Variants in NCOA7 observed in about 807,000 individuals in gnomAD.
The protein encoded by NCOA7 is nuclear receptor coactivator 7.
A neutral mutation model predicts 104.3 loss-of-function variants in NCOA7; 45 were observed. That is an observed-to-expected ratio of 0.43 (90% CI 0.34 to 0.55). The LOEUF (loss-of-function observed/expected upper bound fraction) is 0.55. Ranked by LOEUF, NCOA7 falls within the 20% of genes least tolerant of loss-of-function variation. The pLI is 0.02. For synonymous variants in NCOA7, 398 were observed against 402.3 expected (o/e 0.99, Z 0.13); for missense variants, 1,041 against 1,119.7 (o/e 0.93, Z 1.00).
At chr6:125,859,675 A>G (rs1204168882) in intron 3 of NCOA7, among the ~76,000 whole-genome samples, 1 of 152,262 alleles carries the variant, frequency 6.6e-6, no homozygotes. Flanking sequence ...TTAGACAAAT[A>G]CGAAGTTCTA....
chr6:125,922,678 G>A lies in NCOA7; in HGVS notation c.2371-4G>A, dbSNP rs1787684313. The A allele has an allele frequency of 3.7e-6, 6 of 1,610,666 alleles. No individual in the cohort carries two copies. The highest frequency in any genetic ancestry group is 1.3e-5 in the African/African-American group (1 of 74,914). ...TGTTTACATCTCTTCCTTTGGCTTT[G>A]TAGCTGGCCCGACGCCTTCCTGCAA... On this transcript the variant is annotated splice_region_variant and splice_polypyrimidine_tract_variant and intron_variant, in intron 12 of 15. Transcript: ENST00000392477.
At chr6:125,807,363 T>C (rs896501239) in intron 1 of NCOA7, among the ~76,000 whole-genome samples, 1 of 152,170 alleles carries the variant, frequency 6.6e-6, no homozygotes, top group Non-Finnish European at 1.5e-5. Context: ...CTTGATGTAG[T>C]CTAATCCTCA....
intron 3 of NCOA7, among the ~76,000 whole-genome samples, chr6:125,869,668 G>A (rs751173526): frequency 6.6e-4 from 101 of 152,316 alleles, no homozygotes; most frequent in Non-Finnish European, 1.2e-3. Flanking sequence ...CTCAGGCAGC[G>A]TTGCTGGCTC....
At chr6:125,826,604 A>G (rs547678623) in intron 2 of NCOA7, among the ~76,000 whole-genome samples, 16 of 152,182 alleles carry the variant, frequency 1.1e-4, no homozygotes, top group Non-Finnish European at 1.9e-4. Flanking sequence ...GAAGAGAAAC[A>G]TATGCATTGC....
intron 10 of NCOA7, among the ~76,000 whole-genome samples, chr6:125,909,394 AG>A (rs1305813099): frequency 6.6e-6 from 1 of 152,220 alleles, no homozygotes; most frequent in African/African-American, 2.4e-5. Context: ...GTGCCCAGGA[AG>A]TGTTGTCAAA....
chr6:125,794,253 C>T (rs1775104794), intron 1 of NCOA7, among the ~76,000 whole-genome samples: 1 of 152,112 alleles, frequency 6.6e-6, no homozygotes, highest in African/African-American at 2.4e-5. Context: ...CAAAGAAAAG[C>T]TTTACTTACC....
At chr6:125,927,793 GTCAC>G (rs1562196307) in intron 14 of NCOA7, 35 bp downstream of exon 14, 1 of 1,500,900 alleles carries the variant, frequency 6.7e-7, no homozygotes. Context: ...ACTCCCATAT[GTCAC>G]AGTGTCCTCA....
chr6:125,912,880 G>A (rs978760698), intron 10 of NCOA7, among the ~76,000 whole-genome samples: 2 of 151,496 alleles, frequency 1.3e-5, no homozygotes, highest in Non-Finnish European at 2.9e-5. Context: ...GAATAAAGTG[G>A]TCACCTATGG....
rs775117647 is a variant in NCOA7 at position 125,928,660 on chromosome 6, T to C, written c.2718T>C (p.Asp906=). ...GGGGRFGLWL[D]ADLYHGRSNS... ...GGGGACGATTTGGTTTATGGCTAGA[T>C]GCTGATTTATACCACGGACGAAGCA... Residue 906 remains aspartate (D), a synonymous_variant, in exon 16 of 16, where the codon GAT becomes GAC. Transcript: ENST00000392477. The C allele has an allele frequency of 1.9e-6, 3 of 1,612,340 alleles. No individual in the cohort carries two copies. Among genetic ancestry groups the C allele is most frequent in the Non-Finnish European group, 2.5e-6 (3 of 1,179,534 alleles).
At chr6:125,900,649 T>C (rs1322547180) in intron 10 of NCOA7, among the ~76,000 whole-genome samples, 3 of 152,258 alleles carry the variant, frequency 2.0e-5, no homozygotes, top group Non-Finnish European at 4.4e-5. Context: ...ATTTTCTTCT[T>C]TTTTGGTATG....
intron 1 of NCOA7, among the ~76,000 whole-genome samples, chr6:125,794,793 C>A (rs907205466): frequency 1.3e-5 from 2 of 152,166 alleles, no homozygotes; most frequent in Non-Finnish European, 2.9e-5. Context: ...ATTAATAAAG[C>A]CATTCAATTT....
chr6:125,857,910 T>G (rs1464054039), intron 3 of NCOA7, among the ~76,000 whole-genome samples: 5 of 152,022 alleles, frequency 3.3e-5, no homozygotes, highest in Non-Finnish European at 7.4e-5. Flanking sequence ...TTTTTTTTTT[T>G]TAAATGATTT....
chr6:125,833,496 T>C lies in NCOA7; in HGVS notation c.50+18092T>C, dbSNP rs541062551. On this transcript the variant is annotated intron_variant, in intron 2 of 15. Coordinates refer to ENST00000392477, the MANE Select transcript of NCOA7 (RefSeq NM_181782.5). ...TACTCGGGAAGCTGAGGCAGGAGAA[T>C]TGGGAGGCAGAAGTTGCAGTGAGCT... Among the ~76,000 whole-genome samples, 8 of 148,788 alleles carry C rather than the reference T, an allele frequency of 5.4e-5. No individual in the cohort carries two copies. The South Asian group carries it at 1.5e-3, about 28-fold the overall frequency.
upstream of NCOA7, chr6:125,790,813 G>T (rs1306802625): frequency 6.6e-6 from 1 of 152,274 alleles, no homozygotes; most frequent in Non-Finnish European, 1.5e-5. Flanking sequence ...TCGCGCGTGG[G>T]AAGAGGCCTA....
In NCOA7 at chr6:125,865,949, G is replaced by T. The variant is rs1383562884; in HGVS notation, c.272-8940G>T. On this transcript the variant is annotated intron_variant, in intron 3 of 15. Transcript: ENST00000392477. ...GCAGTCCTCCCACCTCAGCCTTCCA[G>T]TGTTCTGGGATTACAGGTGTGAGCC... Among the ~76,000 whole-genome samples the T allele has an allele frequency of 3.6e-5, 5 of 137,376 alleles. 1 individual carries two copies. The East Asian group carries it at 1.1e-3, about 29-fold the overall frequency. The allele number at this position is 137,376 out of a possible 152,430, so 90.1% of individuals were successfully genotyped here.
intron 2 of NCOA7, among the ~76,000 whole-genome samples, chr6:125,853,419 T>C (rs913484569): frequency 3.9e-5 from 6 of 152,230 alleles, no homozygotes; most frequent in Admixed American, 1.3e-4. Flanking sequence ...CTGATTGCTC[T>C]GGCTAGGACT....
intron 2 of NCOA7, among the ~76,000 whole-genome samples, chr6:125,817,732 G>A (rs1020509476): frequency 2.0e-5 from 3 of 152,158 alleles, no homozygotes; most frequent in Admixed American, 6.5e-5. Flanking sequence ...GAGTTGCAGA[G>A]CAAAAGGTTT....
intron 10 of NCOA7, among the ~76,000 whole-genome samples, chr6:125,905,006 C>T (rs1210384601): frequency 6.6e-6 from 1 of 152,146 alleles, no homozygotes; most frequent in Admixed American, 6.5e-5. Context: ...AGGTAGCAGC[C>T]AGGGTGAGTA....
chr6:125,902,974 A>T (rs182759446), intron 10 of NCOA7, among the ~76,000 whole-genome samples: 1 of 152,160 alleles, frequency 6.6e-6, no homozygotes, highest in African/African-American at 2.4e-5. Context: ...TGCTGCTGCT[A>T]TTACCTCTCC....
Sources: allele counts gnomAD v4.1 joint callset (sites outside exome capture counted in the v4.1 genomes callset), GRCh38; gene constraint gnomAD v4.1.1; transcripts MANE v1.5; gene names NCBI Gene and HGNC (gene_info 2026-07-23, HGNC 2026-07-21).